Variants in TANC1 observed in about 807,000 individuals in gnomAD.
TANC1 encodes the protein tetratricopeptide repeat, ankyrin repeat and coiled-coil containing 1.
In TANC1, 77 loss-of-function variants were observed where a neutral mutation model predicts 149.7. The ratio of observed to expected loss-of-function variants is 0.51; its 90% CI spans 0.43 to 0.62. The LOEUF (loss-of-function observed/expected upper bound fraction) is 0.62. Ranked by LOEUF, TANC1 falls within the 20% of genes least tolerant of loss-of-function variation. The probability of loss-of-function intolerance (pLI) is 0.00; values close to 1 mark genes in which losing one functional copy is unlikely to be tolerated. For missense variants in TANC1, 1,985 were observed against 2,321.8 expected (o/e 0.85, Z 2.98); for synonymous variants, 854 against 925.0 (o/e 0.92, Z 1.39).
intron 19 of TANC1, among the ~76,000 whole-genome samples, chr2:159,200,590 C>A (rs2058175855): frequency 6.6e-6 from 1 of 152,200 alleles, no homozygotes; most frequent in South Asian, 2.1e-4. Context: ...TCTCAATGAC[C>A]AGTCCTGAAT....
intron 7 of TANC1, among the ~76,000 whole-genome samples, chr2:159,159,354 G>A (rs905096568): frequency 2.6e-5 from 4 of 151,274 alleles, no homozygotes; most frequent in Admixed American, 6.6e-5. Context: ...TGGGAGGATC[G>A]CTTGAGCCTT....
At chr2:159,074,584 T>C (rs2043462724) in intron 3 of TANC1, among the ~76,000 whole-genome samples, 1 of 152,214 alleles carries the variant, frequency 6.6e-6, no homozygotes, top group South Asian at 2.1e-4. Context: ...TGTTAATGCA[T>C]TGTTTCTTTG....
chr2:159,068,864 C>T lies in TANC1; in HGVS notation c.61+2893C>T, dbSNP rs898455683. The stretch of plus-strand genomic sequence containing the variant: ...AAGCAATTCTCCTGCCTCAGCCTCC[C>T]GAGTAGTTGGGATTATAGGCCCGTG... On this transcript the variant is annotated intron_variant, in intron 3 of 26. Coordinates refer to ENST00000263635, the MANE Select transcript of TANC1 (RefSeq NM_033394.3). 2.0e-5 allele frequency among the ~76,000 whole-genome samples: 3 copies of T among 152,088 alleles called. No individual in the cohort carries two copies. The East Asian group carries it at 5.8e-4, about 29-fold the overall frequency.
intron 22 of TANC1, among the ~76,000 whole-genome samples, chr2:159,222,938 C>T (rs2059793909): frequency 6.6e-6 from 1 of 152,204 alleles, no homozygotes; most frequent in African/African-American, 2.4e-5. Flanking sequence ...TGGAGTCCCA[C>T]TCTGTCACCC....
chr2:159,148,912 T>C (rs370312713), intron 5 of TANC1: 6 of 414,132 alleles, frequency 1.4e-5, no homozygotes, highest in Non-Finnish European at 8.5e-6. Context: ...CACTGGGCTC[T>C]TCTCACTCAC....
At chr2:158,984,364 C>T (rs2034768503) in intron 1 of TANC1, among the ~76,000 whole-genome samples, 1 of 152,312 alleles carries the variant, frequency 6.6e-6, no homozygotes, top group Admixed American at 6.5e-5. Context: ...TGTAAAGAGA[C>T]TTTACCTTCT....
intron 2 of TANC1, among the ~76,000 whole-genome samples, chr2:159,038,285 C>T (rs1355311336): frequency 1.3e-5 from 2 of 152,208 alleles, no homozygotes; most frequent in Non-Finnish European, 2.9e-5. Context: ...AATATACACT[C>T]ATGTCATCTG....
chr2:158,971,416 T>G (rs842071), intron 1 of TANC1, among the ~76,000 whole-genome samples: 1 of 152,052 alleles, frequency 6.6e-6, no homozygotes, highest in African/African-American at 2.4e-5. Context: ...ATCTTTATGA[T>G]AAAATAAAGT....
chr2:159,145,957 G>A (rs901559552), intron 5 of TANC1, among the ~76,000 whole-genome samples: 9 of 152,162 alleles, frequency 5.9e-5, no homozygotes, highest in Non-Finnish European at 1.2e-4. Flanking sequence ...ATTGATCAGC[G>A]ATTTAATATT....
intron 1 of TANC1, among the ~76,000 whole-genome samples, chr2:158,988,606 C>T (rs923074945): frequency 6.6e-6 from 1 of 152,098 alleles, no homozygotes; most frequent in East Asian, 1.9e-4. Context: ...TAGTCCCCAT[C>T]GTGTTGGGGA....
At chr2:159,037,657 A>G (rs1452705556) in intron 2 of TANC1, among the ~76,000 whole-genome samples, 1 of 152,154 alleles carries the variant, frequency 6.6e-6, no homozygotes, top group East Asian at 1.9e-4. Context: ...CAAAGATCAG[A>G]TGGTTGTAGA....
intron 3 of TANC1, among the ~76,000 whole-genome samples, chr2:159,079,356 T>TG (rs1251326817): frequency 6.7e-6 from 1 of 149,546 alleles, no homozygotes; most frequent in African/African-American, 2.5e-5. Flanking sequence ...CTTTTTTTTT[T>TG]TTTTTTTTTT....
chr2:159,160,751 G>A (rs1289525399), intron 7 of TANC1, among the ~76,000 whole-genome samples: 1 of 152,202 alleles, frequency 6.6e-6, no homozygotes, highest in Non-Finnish European at 1.5e-5. Flanking sequence ...CATGTGGACC[G>A]TGGAATGCCT....
intron 5 of TANC1, among the ~76,000 whole-genome samples, chr2:159,146,385 C>T (rs2052085168): frequency 6.6e-6 from 1 of 152,146 alleles, no homozygotes; most frequent in East Asian, 1.9e-4. Context: ...AATACAGTTG[C>T]AGTGCCTTAA....
chr2:159,231,957 A>G lies in TANC1; in HGVS notation c.*945A>G, dbSNP rs564294087. ...TACTTTATAGTCACATGTTGTATAT[A>G]TTAAATAGCCCAGTTTTATTCAGAC... On this transcript the variant is annotated 3_prime_UTR_variant, in exon 27 of 27. Transcript: ENST00000263635. 12 of 152,716 alleles carry G rather than the reference A, an allele frequency of 7.9e-5. No homozygotes were observed. The South Asian group carries it at 2.3e-3, about 29-fold the overall frequency. 9.5% of individuals were successfully genotyped at this position (152,716 alleles called of 1,614,324 possible).
intron 2 of TANC1, among the ~76,000 whole-genome samples, chr2:159,016,021 CT>C (rs1458979976): frequency 6.6e-6 from 1 of 152,136 alleles, no homozygotes; most frequent in Non-Finnish European, 1.5e-5. Context: ...TTTTGGGTAC[CT>C]TTTCAGTAGC....
At chr2:159,025,168 TTC>T (rs1393139753) in intron 2 of TANC1, among the ~76,000 whole-genome samples, 1 of 151,000 alleles carries the variant, frequency 6.6e-6, no homozygotes, top group Non-Finnish European at 1.5e-5. Flanking sequence ...CTCTTTTTCT[TTC>T]TTTCTTTCTT....
At chr2:159,015,612 G>A (rs1421973217) in intron 2 of TANC1, among the ~76,000 whole-genome samples, 1 of 152,156 alleles carries the variant, frequency 6.6e-6, no homozygotes, top group Non-Finnish European at 1.5e-5. Context: ...GAACTTAGAT[G>A]CTCTGCTTCC....
intron 3 of TANC1, among the ~76,000 whole-genome samples, chr2:159,075,776 G>A (rs1005147615): frequency 9.9e-5 from 15 of 151,736 alleles, no homozygotes; most frequent in African/African-American, 2.2e-4. Flanking sequence ...TTAAAAAACC[G>A]TCTGGAAAAT....
Sources: gnomAD v4.1 joint callset for allele counts (sites outside exome capture counted in the v4.1 genomes callset) on GRCh38, gnomAD v4.1.1 for gene constraint, MANE v1.5 for transcripts, NCBI Gene and HGNC (gene_info 2026-07-23, HGNC 2026-07-21) for gene names.